The following PRKCE variants were observed in gnomAD, a reference collection of about 807,000 sequenced individuals.
PRKCE encodes protein kinase C epsilon type.
PRKCE carries 16 observed loss-of-function variants against 85.4 expected under a neutral mutation model. The ratio of observed to expected loss-of-function variants is 0.19; its 90% confidence interval spans 0.13 to 0.28. The LOEUF (loss-of-function observed/expected upper bound fraction) is 0.28. Among genes scored for constraint, PRKCE ranks in the 10% least tolerant of loss-of-function variants. PRKCE has a pLI of 1.00. For synonymous variants in PRKCE, 388 were observed against 371.5 expected, an observed-to-expected ratio of 1.04 and a Z score of -0.51; for missense variants, 573 against 975.2, an observed-to-expected ratio of 0.59 and a Z score of 5.49.
chr2:46,078,521 CA>C (rs1668757632), intron 10 of PRKCE, among the ~76,000 whole-genome samples: 1 of 146,548 alleles, frequency 6.8e-6, no homozygotes, highest in Non-Finnish European at 1.5e-5. Flanking sequence ...GCCTGGGTGA[CA>C]GAGCAGGACC....
rs1222061489 is a variant in PRKCE at position 45,884,990 on chromosome 2, TATATATATATA to T, written c.412+41928_412+41938del. Among the ~76,000 whole-genome samples, 191 of 70,348 alleles carry T rather than the reference TATATATATATA, an allele frequency of 2.7e-3. 8 individuals carry two copies. Among genetic ancestry groups the T allele is most frequent in the East Asian group, 0.022 (12 of 538 alleles). The allele number at this position is 70,348 out of a possible 152,430, so 46.2% of individuals were successfully genotyped here. ...ATATATATATATATATATATATATA[TATATATATATA>T]TTTGTTGTTGTTGTTGTTGTTTTAC... On this transcript the variant is annotated intron_variant, in intron 2 of 14. Transcript: ENST00000306156.
intron 11 of PRKCE, among the ~76,000 whole-genome samples, chr2:46,106,079 G>T (rs1671687067): frequency 6.6e-6 from 1 of 151,968 alleles, no homozygotes; most frequent in South Asian, 2.1e-4. Context: ...TATGTGGTTT[G>T]TCTGCAAGTT....
chr2:45,908,178 A>ACCCTTTACCTCCCTCAGTTTC (rs1471426899), intron 2 of PRKCE, among the ~76,000 whole-genome samples: 3 of 151,982 alleles, frequency 2.0e-5, no homozygotes, highest in African/African-American at 4.8e-5. Flanking sequence ...GCCTCTGTTT[A>ACCCTTTACCTCCCTCAGTTTC]CCCTTTACCT....
chr2:45,885,967 G>A (rs185981585), intron 2 of PRKCE, among the ~76,000 whole-genome samples: 1 of 152,320 alleles, frequency 6.6e-6, no homozygotes, highest in Non-Finnish European at 1.5e-5. Context: ...GGTGTGTAAA[G>A]AATGTTAGAC....
intron 1 of PRKCE, among the ~76,000 whole-genome samples, chr2:45,771,362 G>A (rs1188824392): frequency 2.6e-5 from 4 of 152,156 alleles, no homozygotes; most frequent in Non-Finnish European, 4.4e-5. Context: ...AGCAGCCTGC[G>A]GAGGAAGAGC....
rs190987707 is a variant in PRKCE at position 46,061,302 on chromosome 2, G to A, written c.1438-24906G>A. Among the ~76,000 whole-genome samples, 3 of 151,796 alleles carry A rather than the reference G, an allele frequency of 2.0e-5. No individual in the cohort carries two copies. In the East Asian group the frequency reaches 5.8e-4, roughly 29 times the overall value. On this transcript the variant is annotated intron_variant, in intron 10 of 14. Coordinates refer to ENST00000306156, the MANE Select transcript of PRKCE (RefSeq NM_005400.3). ...TTTTTGTATTCTTTATAGAGATGGG[G>A]TTTTACCATGTTGCTCAGGCTGGTC... is the stretch of plus-strand genomic sequence containing the variant.
At chr2:46,064,423 C>T (rs1667436935) in intron 10 of PRKCE, among the ~76,000 whole-genome samples, 1 of 152,102 alleles carries the variant, frequency 6.6e-6, no homozygotes, top group African/African-American at 2.4e-5. Flanking sequence ...CAGTAATTGG[C>T]AATCCCAAAT....
chr2:45,898,050 C>G (rs1696281233), intron 2 of PRKCE, among the ~76,000 whole-genome samples: 1 of 152,178 alleles, frequency 6.6e-6, no homozygotes, highest in Admixed American at 6.5e-5. Context: ...AAGTGCACAC[C>G]AGGCACAGGC....
At chr2:45,811,165 C>A (rs1255798835) in intron 1 of PRKCE, among the ~76,000 whole-genome samples, 1 of 152,122 alleles carries the variant, frequency 6.6e-6, no homozygotes, top group African/African-American at 2.4e-5. Flanking sequence ...ACAGATATTG[C>A]CAGGAACTAG....
Position 45,774,036 on chromosome 2 carries a change from C to T in PRKCE, c.349-68964C>T, listed in dbSNP as rs1403081258. Among the ~76,000 whole-genome samples the T allele has an allele frequency of 2.6e-5, 4 of 152,226 alleles. No individual in the cohort carries two copies. Among genetic ancestry groups the T allele is most frequent in the African/African-American group, 9.6e-5 (4 of 41,468 alleles). ...TCAGGTTAGAAGTAGAAATTTCCTT[C>T]TAGACCCCAGAGTCCTCCCCTCCCC... is the stretch of plus-strand genomic sequence containing the variant. On this transcript the variant is annotated intron_variant, in intron 1 of 14. Coordinates refer to ENST00000306156, the MANE Select transcript of PRKCE (RefSeq NM_005400.3). The surrounding 1 kb of genome is among the most constrained non-coding windows in gnomAD (Gnocchi z 4.3).
chr2:45,958,052 C>G (rs1256951086), intron 2 of PRKCE, among the ~76,000 whole-genome samples: 1 of 151,606 alleles, frequency 6.6e-6, no homozygotes, highest in Non-Finnish European at 1.5e-5. Flanking sequence ...TATGTTTGAG[C>G]ATGCCTTCTG....
intron 6 of PRKCE, among the ~76,000 whole-genome samples, chr2:45,998,204 G>C (rs1025469579): frequency 3.9e-5 from 6 of 152,168 alleles, no homozygotes; most frequent in Non-Finnish European, 5.9e-5. Context: ...TAATGTTGCT[G>C]TTGATTAATG....
At chr2:45,954,142 A>C (rs1700816698) in intron 2 of PRKCE, among the ~76,000 whole-genome samples, 1 of 152,232 alleles carries the variant, frequency 6.6e-6, no homozygotes, top group Admixed American at 6.5e-5. Context: ...AGGTGGCCTT[A>C]GGTGCGCAGG....
intron 11 of PRKCE, among the ~76,000 whole-genome samples, chr2:46,135,225 A>G (rs969644827): frequency 2.4e-4 from 37 of 152,202 alleles, no homozygotes; most frequent in African/African-American, 6.5e-4. Context: ...TACATCTTAT[A>G]AGCATGTTTC....
At chr2:45,846,858 C>T (rs4952781) in intron 2 of PRKCE, among the ~76,000 whole-genome samples, 61,318 of 151,982 alleles carry the variant, frequency 0.4, 12,540 homozygotes, top group Middle Eastern at 0.55. Context: ...GGTACAGTGC[C>T]CTCGCATGTA....
chr2:46,164,218 G>A (rs1678094282), intron 14 of PRKCE, among the ~76,000 whole-genome samples: 1 of 152,218 alleles, frequency 6.6e-6, no homozygotes, highest in South Asian at 2.1e-4. Context: ...ATGTGCAGTT[G>A]TTGGTCCTGG....
chr2:46,094,312 AC>A (rs1358982957), intron 11 of PRKCE, among the ~76,000 whole-genome samples: 1 of 152,142 alleles, frequency 6.6e-6, no homozygotes, highest in African/African-American at 2.4e-5. Context: ...TTGGTGAAGC[AC>A]CTTTAGTAGA....
intron 11 of PRKCE, among the ~76,000 whole-genome samples, chr2:46,127,125 T>A (rs921505528): frequency 2.6e-5 from 4 of 152,164 alleles, no homozygotes; most frequent in African/African-American, 9.7e-5. Context: ...CTAGGGGAAT[T>A]CTAGATGCTT....
intron 2 of PRKCE, among the ~76,000 whole-genome samples, chr2:45,852,764 A>G (rs187408304): frequency 6.6e-6 from 1 of 152,238 alleles, no homozygotes; most frequent in Admixed American, 6.5e-5. Context: ...AAATTATTTT[A>G]TTTAAGTCTA....
Sources: gnomAD v4.1 joint callset for allele counts (sites outside exome capture counted in the v4.1 genomes callset) on GRCh38, gnomAD v4.1.1 for gene constraint, Gnocchi (gnomAD v3.1) non-coding constraint, MANE v1.5 for transcripts, NCBI Gene and HGNC (gene_info 2026-07-23, HGNC 2026-07-21) for gene names.